The following WIPF1 variants were observed in gnomAD, a reference collection of about 807,000 sequenced individuals.
The protein encoded by WIPF1 is WAS/WASL interacting protein family member 1.
WIPF1 carries 13 observed loss-of-function variants against 35.4 expected under a neutral mutation model. That is an observed-to-expected ratio of 0.37 (90% confidence interval 0.24 to 0.58). The LOEUF (loss-of-function observed/expected upper bound fraction) is 0.58. Among genes scored for constraint, WIPF1 ranks in the 20% least tolerant of loss-of-function variants. The pLI is 0.74. For synonymous variants in WIPF1, 267 were observed against 266.3 expected (o/e 1.00, Z -0.02); for missense variants, 591 against 667.0 (o/e 0.89, Z 1.25).
chr2:174,667,316 A>C (rs759494366), intron 1 of WIPF1, among the ~76,000 whole-genome samples: 4 of 152,140 alleles, frequency 2.6e-5, no homozygotes, highest in Non-Finnish European at 5.9e-5. Flanking sequence ...TTATAGTTTC[A>C]ATTCTCCCAA....
chr2:174,678,096 A>C (rs1160106985), intron 1 of WIPF1, among the ~76,000 whole-genome samples: 2 of 152,170 alleles, frequency 1.3e-5, no homozygotes, highest in African/African-American at 4.8e-5. Flanking sequence ...GGGAGAGAGA[A>C]TAAAAGGAAG....
chr2:174,669,516 T>C (rs926879952), intron 1 of WIPF1, among the ~76,000 whole-genome samples: 4 of 152,164 alleles, frequency 2.6e-5, no homozygotes, highest in Admixed American at 6.5e-5. Flanking sequence ...AGAGGGTAAA[T>C]TGCTGCAATT....
At chr2:174,591,313 A>T (rs1187129006) in intron 1 of WIPF1, among the ~76,000 whole-genome samples, 1 of 152,226 alleles carries the variant, frequency 6.6e-6, no homozygotes, top group Non-Finnish European at 1.5e-5. Flanking sequence ...GCAAATTAAT[A>T]CACATGGTTT....
intron 1 of WIPF1, among the ~76,000 whole-genome samples, chr2:174,592,605 AT>A (rs36039287): frequency 0.031 from 4,103 of 131,638 alleles, 96 homozygotes; most frequent in African/African-American, 0.088. Context: ...TTATTTATTG[AT>A]TTTTTTTTTT....
intron 1 of WIPF1, among the ~76,000 whole-genome samples, chr2:174,610,912 G>A (rs1368935664): frequency 6.6e-6 from 1 of 151,984 alleles, no homozygotes; most frequent in African/African-American, 2.4e-5. Context: ...TCAACCTCCC[G>A]GCCCTCTTCT....
At chr2:174,609,734 G>A (rs1038036499) in intron 1 of WIPF1, among the ~76,000 whole-genome samples, 2 of 152,174 alleles carry the variant, frequency 1.3e-5, no homozygotes, top group African/African-American at 4.8e-5. Flanking sequence ...AAGTGGGCAC[G>A]GGGTCAGTCG....
At chr2:174,657,910 CAAAAAAAAA>C (rs56717056) in intron 1 of WIPF1, among the ~76,000 whole-genome samples, 22 of 96,044 alleles carry the variant, frequency 2.3e-4, no homozygotes, top group African/African-American at 8.0e-4. Flanking sequence ...AACTCTGTCT[CAAAAAAAAA>C]AAAAAAAAAA....
intron 1 of WIPF1, among the ~76,000 whole-genome samples, chr2:174,666,472 T>G (rs1292973236): frequency 6.6e-6 from 1 of 152,238 alleles, no homozygotes; most frequent in East Asian, 1.9e-4. Flanking sequence ...GACTGTCTTA[T>G]GCAACCAGGG....
At chr2:174,567,814 C>T (rs762802902) in intron 6 of WIPF1, 47 bp downstream of exon 6, 2 of 1,511,604 alleles carry the variant, frequency 1.3e-6, no homozygotes, top group East Asian at 2.3e-5. Context: ...ACAGATTTAC[C>T]ATTTAGTTGC....
intron 1 of WIPF1, among the ~76,000 whole-genome samples, chr2:174,612,600 T>C (rs1686384627): frequency 6.6e-6 from 1 of 151,988 alleles, no homozygotes; most frequent in Admixed American, 6.6e-5. Flanking sequence ...GGAATCTTGA[T>C]ACATACGATT....
intron 1 of WIPF1, among the ~76,000 whole-genome samples, chr2:174,626,941 G>A (rs1488472253): frequency 6.6e-6 from 1 of 152,106 alleles, no homozygotes; most frequent in Non-Finnish European, 1.5e-5. Context: ...CAGACTCTGG[G>A]GGGAAAGCCA....
intron 1 of WIPF1, among the ~76,000 whole-genome samples, chr2:174,616,971 T>G (rs1488183347): frequency 2.0e-5 from 3 of 152,002 alleles, no homozygotes; most frequent in Non-Finnish European, 2.9e-5. Context: ...TTTATTTGAT[T>G]TTTTTTTCAT....
chr2:174,612,427 A>AT (rs1463201943), intron 1 of WIPF1, among the ~76,000 whole-genome samples: 1 of 152,182 alleles, frequency 6.6e-6, no homozygotes, highest in Middle Eastern at 3.4e-3. Flanking sequence ...CTATGTAAAT[A>AT]TTTTTTATTG....
intron 1 of WIPF1, among the ~76,000 whole-genome samples, chr2:174,621,976 G>A (rs540411826): frequency 1.3e-5 from 2 of 152,266 alleles, no homozygotes; most frequent in East Asian, 1.9e-4. Context: ...GAGGAAGCCC[G>A]CTGGGCCCTC....
chr2:174,602,644 G>A (rs567750825), upstream of WIPF1, among the ~76,000 whole-genome samples: 75 of 152,210 alleles, frequency 4.9e-4, no homozygotes, highest in Non-Finnish European at 9.4e-4. Flanking sequence ...CAGAAACAAA[G>A]GAATAATCCT....
chr2:174,662,320 TC>T (rs1437160208), intron 1 of WIPF1, among the ~76,000 whole-genome samples: 1 of 152,198 alleles, frequency 6.6e-6, no homozygotes, highest in Non-Finnish European at 1.5e-5. Context: ...TTTTCTATCC[TC>T]GCTTGGCTGG....
At chr2:174,593,288 AT>A (rs1336298382) in intron 1 of WIPF1, among the ~76,000 whole-genome samples, 4 of 152,244 alleles carry the variant, frequency 2.6e-5, no homozygotes, top group African/African-American at 4.8e-5. Flanking sequence ...TGACAAAAAA[AT>A]ATTAACAGAA....
chr2:174,666,911 G>A (rs1050503276), intron 1 of WIPF1, among the ~76,000 whole-genome samples: 7 of 152,184 alleles, frequency 4.6e-5, no homozygotes, highest in Non-Finnish European at 8.8e-5. Context: ...AAGGGTCCAG[G>A]CTCACATCAG....
Position 174,597,681 on chromosome 2 carries a change from C to G in WIPF1, c.-119G>C, listed in dbSNP as rs537628333. On this transcript the variant is annotated 5_prime_UTR_variant, in exon 1 of 8. Coordinates refer to ENST00000679041, the MANE Select transcript of WIPF1 (RefSeq NM_001375834.1). ...GCGGGACAGGAGCCAAGAGAGAAAA[C>G]TGTCCCTGAAAAAGGTATCATCTTC... 1 of 152,764 alleles carries G rather than the reference C, an allele frequency of 6.5e-6. No homozygotes were observed. The highest frequency in any genetic ancestry group is 1.5e-5 in the Non-Finnish European group (1 of 68,046). 9.5% of individuals were successfully genotyped at this position (152,764 alleles called of 1,614,324 possible).
Sources: gnomAD v4.1 joint callset for allele counts (sites outside exome capture counted in the v4.1 genomes callset) on GRCh38, gnomAD v4.1.1 for gene constraint, MANE v1.5 for transcripts, NCBI Gene and HGNC (gene_info 2026-07-23, HGNC 2026-07-21) for gene names.